Variants in ADARB1 observed in about 807,000 individuals in gnomAD.
ADARB1 encodes the protein adenosine deaminase RNA specific B1.
In ADARB1, 10 loss-of-function variants were observed where a neutral mutation model predicts 52.4. That is an observed-to-expected ratio of 0.19 (90% CI 0.12 to 0.32). ADARB1 has a LOEUF of 0.32. ADARB1 is among the 10% of genes least tolerant of loss of function. The pLI is 1.00. For missense variants in ADARB1, 643 were observed against 922.3 expected, an observed-to-expected ratio of 0.70 and a Z score of 3.92; for synonymous variants, 349 against 371.1, an observed-to-expected ratio of 0.94 and a Z score of 0.68.
At chr21:45,120,799 G>A (rs2088132446) in intron 1 of ADARB1, 1 of 152,188 alleles carries the variant, frequency 6.6e-6, no homozygotes, top group Admixed American at 6.5e-5. Context: ...CACAGGTAGT[G>A]TATATTTTGA....
In ADARB1 at chr21:45,172,515, G is replaced by A. The variant is rs1373406895; in HGVS notation, c.28+831G>A. 1.3e-5 allele frequency among the ~76,000 whole-genome samples: 2 copies of A among 152,178 alleles called. No individual in the cohort carries two copies. The highest frequency in any genetic ancestry group is 1.9e-4 in the East Asian group (1 of 5,184). On this transcript the variant is annotated intron_variant, in intron 3 of 10. Coordinates refer to ENST00000348831, the MANE Select transcript of ADARB1 (RefSeq NM_001112.4). The surrounding 1 kb of genome is among the most constrained non-coding windows in gnomAD (Gnocchi z 4.4). ...TTTCCCTTTGACTTTACGCACAACC[G>A]ATGATCTGGGGTCTTGGAGTCACTC...
rs2093030939 is a variant in ADARB1, at chr21:45,224,648, AG to A, written c.*2456del. On this transcript the variant is annotated 3_prime_UTR_variant, in exon 11 of 11. Coordinates refer to ENST00000348831, the MANE Select transcript of ADARB1 (RefSeq NM_001112.4). ...GGGAGCCCTGGGCGGGGTGGCTGTC[AG>A]GGGGAACTGGGTTCCGGGAGCCCTG... The A allele has an allele frequency of 1.2e-6, 1 of 823,358 alleles. No homozygotes were observed. The highest frequency in any genetic ancestry group is 1.4e-6 in the Non-Finnish European group (1 of 710,972). The allele number at this position is 823,358 out of a possible 1,614,324, so 51.0% of individuals were successfully genotyped here. A position where few individuals can be genotyped will look rare whatever the true frequency, so the allele number is the denominator to read the frequency against.
chr21:45,189,224 G>A lies in ADARB1; in HGVS notation c.1565+4133G>A, dbSNP rs913892758. ...TATTTTTTCCTTTTGTCTCCGTGGG[G>A]TACAAAATCTCATTTCTTTTTGTGT... On this transcript the variant is annotated intron_variant, in intron 8 of 10. Transcript: ENST00000348831. Among the ~76,000 whole-genome samples the A allele has an allele frequency of 3.3e-5, 5 of 151,978 alleles. No homozygotes were observed. The South Asian group carries it at 1.0e-3, about 32-fold the overall frequency.
chr21:45,136,665 C>T (rs946711265), intron 2 of ADARB1, among the ~76,000 whole-genome samples: 6 of 152,340 alleles, frequency 3.9e-5, no homozygotes, highest in Middle Eastern at 3.4e-3. Flanking sequence ...TAGAGCTGCC[C>T]CACCAGCCAG....
intron 1 of ADARB1, among the ~76,000 whole-genome samples, chr21:45,107,524 A>G (rs1384404713): frequency 6.6e-6 from 1 of 152,216 alleles, no homozygotes; most frequent in Admixed American, 6.5e-5. Context: ...AGACCAATGG[A>G]GGAAATAAGC....
At chr21:45,165,541 T>C (rs1306697369) in intron 2 of ADARB1, among the ~76,000 whole-genome samples, 1 of 152,232 alleles carries the variant, frequency 6.6e-6, no homozygotes, top group African/African-American at 2.4e-5. Flanking sequence ...GAAAATATTA[T>C]CAATTGAATA....
rs1239834406 is a variant in ADARB1, at chr21:45,221,889, C to G, written c.1927-129C>G. The G allele has an allele frequency of 3.0e-6, 3 of 997,620 alleles. No homozygotes were observed. Among genetic ancestry groups the G allele is most frequent in the Non-Finnish European group, 4.4e-6 (3 of 680,592 alleles). 61.8% of individuals were successfully genotyped at this position (997,620 alleles called of 1,614,324 possible). A position where few individuals can be genotyped will look rare whatever the true frequency, so the allele number is the denominator to read the frequency against. On this transcript the variant is annotated intron_variant, in intron 10 of 10. Transcript: ENST00000348831. The surrounding 1 kb of genome is among the most constrained non-coding windows in gnomAD (Gnocchi z 4.9). The stretch of plus-strand genomic sequence containing the variant: ...GAAGCCGTTCCCTTGGCAGAAGGCG[C>G]CTTCCTCTGGGTTGCTTTCCCCCCA...
At chr21:45,155,739 C>G (rs1235556592) in intron 2 of ADARB1, among the ~76,000 whole-genome samples, 1 of 120,990 alleles carries the variant, frequency 8.3e-6, no homozygotes, top group Non-Finnish European at 1.8e-5. Context: ...ACCCACCCAC[C>G]CATCATCACC....
chr21:45,123,763 G>A (rs1056477718), intron 1 of ADARB1, among the ~76,000 whole-genome samples: 2 of 151,916 alleles, frequency 1.3e-5, no homozygotes, highest in African/African-American at 4.8e-5. Context: ...AGCATGCCTC[G>A]CTGAGTTTTT....
chr21:45,183,431 T>G lies in ADARB1; in HGVS notation c.1317T>G (p.Asn439Lys). ...SERGGFRLKE[N>K]VQFHLYISTS... Reference sequence around the variant, plus strand: ...GAGGGGGGTTTAGGCTGAAGGAGAATGTCCAGTTTCATCTGTACATCAGCA... The same window carrying G: ...GAGGGGGGTTTAGGCTGAAGGAGAAGGTCCAGTTTCATCTGTACATCAGCA... Residue 439 changes from asparagine (N) to lysine (K), a missense_variant, in exon 7 of 11, where the codon AAT (asparagine) becomes AAG (lysine). By Grantham distance (94) the Asn-to-Lys change is moderately conservative. This residue lies in a region of ADARB1 where 263 missense variants were observed against 475.8 expected (regional missense o/e 0.55). Coordinates refer to ENST00000348831, the MANE Select transcript of ADARB1 (RefSeq NM_001112.4). 1 of 1,612,930 alleles carries G rather than the reference T, an allele frequency of 6.2e-7. No individual in the cohort carries two copies. Among genetic ancestry groups the G allele is most frequent in the Non-Finnish European group, 8.5e-7 (1 of 1,179,694 alleles).
chr21:45,224,085 C>G lies in ADARB1; in HGVS notation c.*1888C>G, dbSNP rs2093014535. ...TCGCTGGCTTTCCCCCAAGCAGGCT[C>G]TTGCACACTCTAGAAAAAACACCTT... On this transcript the variant is annotated 3_prime_UTR_variant, in exon 11 of 11. Coordinates refer to ENST00000348831, the MANE Select transcript of ADARB1 (RefSeq NM_001112.4). 1.0e-6 allele frequency: 1 copy of G among 985,294 alleles called. No homozygotes were observed. The highest frequency in any genetic ancestry group is 4.7e-5 in the South Asian group (1 of 21,294). 61.0% of individuals were successfully genotyped at this position (985,294 alleles called of 1,614,324 possible).
At chr21:45,075,064 G>T (rs1487144068) in intron 1 of ADARB1, among the ~76,000 whole-genome samples, 12 of 151,272 alleles carry the variant, frequency 7.9e-5, no homozygotes, top group South Asian at 4.1e-4. Flanking sequence ...CCGAGTCCGC[G>T]TGGGATGCGC....
intron 8 of ADARB1, among the ~76,000 whole-genome samples, chr21:45,192,910 A>G (rs2092337450): frequency 4.6e-5 from 7 of 152,242 alleles, no homozygotes; most frequent in Admixed American, 4.6e-4. Flanking sequence ...GGCTATCTAT[A>G]TGTATTAGAG....
chr21:45,098,757 C>T (rs942105105), intron 1 of ADARB1, among the ~76,000 whole-genome samples: 4 of 152,216 alleles, frequency 2.6e-5, no homozygotes, highest in African/African-American at 9.7e-5. Context: ...GGGCTATTTG[C>T]ACACATATGC....
chr21:45,187,318 A>G (rs928884474), intron 8 of ADARB1, among the ~76,000 whole-genome samples: 3 of 152,042 alleles, frequency 2.0e-5, no homozygotes, highest in African/African-American at 7.2e-5. Flanking sequence ...CAGATCATTC[A>G]TTGTTAGTGC....
chr21:45,105,363 A>C (rs2087201610), intron 1 of ADARB1, among the ~76,000 whole-genome samples: 1 of 152,130 alleles, frequency 6.6e-6, no homozygotes, highest in African/African-American at 2.4e-5. Flanking sequence ...TGGCCTCTTA[A>C]AGTGCTGGGA....
intron 9 of ADARB1, among the ~76,000 whole-genome samples, chr21:45,214,423 A>T (rs764183195): frequency 3.9e-5 from 6 of 152,198 alleles, no homozygotes; most frequent in Non-Finnish European, 7.3e-5. Context: ...TTGATGGATC[A>T]TGCTTTTGAT....
chr21:45,117,379 T>TTGTGTC (rs1425550768), intron 1 of ADARB1, among the ~76,000 whole-genome samples: 2 of 152,222 alleles, frequency 1.3e-5, no homozygotes, highest in Non-Finnish European at 2.9e-5. Context: ...ACCCACTAGT[T>TTGTGTC]TGTGTCAGCA....
chr21:45,155,709 A>G (rs989793398), intron 2 of ADARB1, among the ~76,000 whole-genome samples: 2 of 146,270 alleles, frequency 1.4e-5, no homozygotes, highest in Non-Finnish European at 3.0e-5. Flanking sequence ...CCCATCACCC[A>G]TCTATTCATC....
Sources: gnomAD v4.1 joint callset for allele counts (sites outside exome capture counted in the v4.1 genomes callset) on GRCh38, gnomAD v4.1.1 for gene constraint, gnomAD v4.1.1 regional missense constraint, Gnocchi (gnomAD v3.1) non-coding constraint, MANE v1.5 for transcripts, NCBI Gene and HGNC (gene_info 2026-07-23, HGNC 2026-07-21) for gene names.